The following GABRA5 variants were observed in gnomAD, a reference collection of about 807,000 sequenced individuals.
GABRA5 encodes gamma-aminobutyric acid type A receptor subunit alpha5, also known as gamma-aminobutyric acid receptor subunit alpha-5.
A neutral mutation model predicts 47.3 loss-of-function variants in GABRA5; 18 were observed. The observed-to-expected ratio is 0.38, with a 90% CI of 0.26 to 0.56. GABRA5 has a LOEUF of 0.56. GABRA5 is among the 20% of genes least tolerant of loss of function. GABRA5 has a pLI of 0.71. For synonymous variants in GABRA5, 237 were observed against 229.3 expected (o/e 1.03, Z -0.30); for missense variants, 365 against 599.3 (o/e 0.61, Z 4.08).
chr15:26,919,793 C>A (rs1457921486), intron 7 of GABRA5, among the ~76,000 whole-genome samples: 1 of 152,040 alleles, frequency 6.6e-6, no homozygotes, highest in Non-Finnish European at 1.5e-5. Flanking sequence ...TTTAGTATTT[C>A]TTGCAAGTCA....
intron 7 of GABRA5, among the ~76,000 whole-genome samples, chr15:26,925,556 A>G (rs909445304): frequency 1.3e-5 from 2 of 152,172 alleles, no homozygotes; most frequent in African/African-American, 2.4e-5. Context: ...AAAGCATTAC[A>G]TATTCTCTTT....
chr15:26,911,632 C>G (rs1049694843), intron 6 of GABRA5, among the ~76,000 whole-genome samples: 1 of 152,128 alleles, frequency 6.6e-6, no homozygotes, highest in African/African-American at 2.4e-5. Context: ...CAGAGTGCCT[C>G]ACGGGGCCTT....
chr15:26,916,810 G>A (rs958793591), intron 7 of GABRA5, among the ~76,000 whole-genome samples: 2 of 151,908 alleles, frequency 1.3e-5, no homozygotes, highest in Admixed American at 6.6e-5. Context: ...TTATTAATAA[G>A]TATTTTGTTC....
At chr15:26,907,544 C>G (rs567580899) in intron 6 of GABRA5, among the ~76,000 whole-genome samples, 2 of 152,104 alleles carry the variant, frequency 1.3e-5, no homozygotes, top group South Asian at 2.1e-4. Flanking sequence ...GTTGGCAAAC[C>G]AGGACAATCA....
intron 6 of GABRA5, among the ~76,000 whole-genome samples, chr15:26,889,963 A>G (rs1892965963): frequency 6.6e-6 from 1 of 152,278 alleles, no homozygotes; most frequent in Non-Finnish European, 1.5e-5. Context: ...TTCACTGAAA[A>G]CTTTTGTGAA....
At chr15:26,896,075 C>G (rs1204194050) in intron 6 of GABRA5, among the ~76,000 whole-genome samples, 1 of 152,142 alleles carries the variant, frequency 6.6e-6, no homozygotes, top group Non-Finnish European at 1.5e-5. Flanking sequence ...CAGTCATTCC[C>G]TTGCTGGGCA....
At chr15:26,911,378 C>A (rs996784463) in intron 6 of GABRA5, among the ~76,000 whole-genome samples, 1 of 132,980 alleles carries the variant, frequency 7.5e-6, no homozygotes, top group East Asian at 2.7e-4. Flanking sequence ...CATGCACACA[C>A]ACACACACAC....
At chr15:26,922,733 A>G (rs771871512) in intron 7 of GABRA5, among the ~76,000 whole-genome samples, 1 of 151,922 alleles carries the variant, frequency 6.6e-6, no homozygotes, top group Non-Finnish European at 1.5e-5. Flanking sequence ...TAGCTTTTTC[A>G]GTGGTTCTTC....
At position 26,936,153 on chromosome 15, in the gene GABRA5, C is replaced by T. The variant is rs369671747; in HGVS notation, c.581-1032C>T. Among the ~76,000 whole-genome samples the T allele has an allele frequency of 3.9e-5, 6 of 152,260 alleles. No homozygotes were observed. In the East Asian group the frequency reaches 5.8e-4, roughly 15 times the overall value. On this transcript the variant is annotated intron_variant, in intron 7 of 10. Coordinates refer to ENST00000335625, the MANE Select transcript of GABRA5 (RefSeq NM_000810.4). ...TGCCACCCTGTGAAGAGGTGCCTTC[C>T]GCCATGATTGTATGTTTCCTGAGGC...
At chr15:26,921,733 C>G (rs1321799393) in intron 7 of GABRA5, among the ~76,000 whole-genome samples, 2 of 152,018 alleles carry the variant, frequency 1.3e-5, no homozygotes, top group African/African-American at 4.8e-5. Flanking sequence ...TCATTTAATG[C>G]TATAAATGTT....
At chr15:26,924,880 G>A (rs1215395347) in intron 7 of GABRA5, among the ~76,000 whole-genome samples, 2 of 152,088 alleles carry the variant, frequency 1.3e-5, no homozygotes, top group African/African-American at 2.4e-5. Context: ...TCCAAACCTG[G>A]GATGTGTAAG....
intron 10 of GABRA5, among the ~76,000 whole-genome samples, chr15:26,947,518 C>G (rs762525041): frequency 2.0e-5 from 3 of 152,166 alleles, no homozygotes; most frequent in Non-Finnish European, 4.4e-5. Context: ...CATGTTCCTG[C>G]AAAAGACAGG....
chr15:26,900,167 G>A (rs747399061), intron 6 of GABRA5, among the ~76,000 whole-genome samples: 1 of 152,024 alleles, frequency 6.6e-6, no homozygotes, highest in Non-Finnish European at 1.5e-5. Flanking sequence ...CTTTGCTCCA[G>A]TAGCTCTGTC....
At chr15:26,939,672 A>G in intron 8 of GABRA5, 2 of 596,366 alleles carry the variant, frequency 3.4e-6, no homozygotes, top group Non-Finnish European at 6.0e-6. Context: ...AGTAAAACAC[A>G]CAAATCTGAT....
intron 6 of GABRA5, among the ~76,000 whole-genome samples, chr15:26,907,365 A>C (rs1050618741): frequency 6.6e-6 from 1 of 152,218 alleles, no homozygotes; most frequent in East Asian, 1.9e-4. Context: ...AAATTCTATT[A>C]TGTATAAAAT....
intron 9 of GABRA5, among the ~76,000 whole-genome samples, chr15:26,942,863 C>T (rs977641466): frequency 1.3e-5 from 2 of 152,096 alleles, no homozygotes; most frequent in African/African-American, 4.8e-5. Flanking sequence ...GTGGGTGGAT[C>T]GCATGAGGCC....
intron 10 of GABRA5, among the ~76,000 whole-genome samples, chr15:26,946,596 C>A (rs1216920835): frequency 6.6e-6 from 1 of 152,156 alleles, no homozygotes; most frequent in South Asian, 2.1e-4. Context: ...GTACTAACAG[C>A]ACCTTTGCTG....
At chr15:26,916,639 T>G (rs149822479) in intron 7 of GABRA5, among the ~76,000 whole-genome samples, 1 of 152,154 alleles carries the variant, frequency 6.6e-6, no homozygotes, top group Non-Finnish European at 1.5e-5. Context: ...GGGCATTGTA[T>G]TGAATCTAAA....
In GABRA5 at chr15:26,878,273, A is replaced by C. The variant is rs79474841; in HGVS notation, c.87-2573A>C. Among the ~76,000 whole-genome samples, 1,062 of 152,372 alleles carry C rather than the reference A, an allele frequency of 7.0e-3. 19 individuals carry two copies. Among genetic ancestry groups the C allele is most frequent in the African/African-American group, 0.024 (1,011 of 41,586 alleles). Reference sequence around the variant, plus strand: ...CTTAGCAGCAGTTCTTAAAGATCATACAGCTTGATAGAGGCGCTAGCCAGT... The same window carrying C: ...CTTAGCAGCAGTTCTTAAAGATCATCCAGCTTGATAGAGGCGCTAGCCAGT... On this transcript the variant is annotated intron_variant, in intron 3 of 10. Transcript: ENST00000335625.
Sources: gnomAD v4.1 joint callset for allele counts (sites outside exome capture counted in the v4.1 genomes callset) on GRCh38, gnomAD v4.1.1 for gene constraint, MANE v1.5 for transcripts, NCBI Gene and HGNC (gene_info 2026-07-23, HGNC 2026-07-21) for gene names.